Variants in NEXMIF observed in about 807,000 individuals in gnomAD.
NEXMIF encodes XLMR protein related to neurite extension.
NEXMIF carries 8 observed loss-of-function variants against 62.1 expected under a neutral mutation model. The ratio of observed to expected loss-of-function variants is 0.13; its 90% CI spans 0.08 to 0.23. The LOEUF (loss-of-function observed/expected upper bound fraction) is 0.23. NEXMIF is among the 10% of genes least tolerant of loss of function. The probability of loss-of-function intolerance (pLI) is 1.00; values close to 1 mark genes in which losing one functional copy is unlikely to be tolerated. For missense variants in NEXMIF, 976 were observed against 1,113.3 expected, an observed-to-expected ratio of 0.88 and a Z score of 1.75; for synonymous variants, 404 against 416.6, an observed-to-expected ratio of 0.97 and a Z score of 0.37.
At chrX:74,875,774 A>G (rs2080629096) in intron 1 of NEXMIF, among the ~76,000 whole-genome samples, 2 of 111,596 alleles carry the variant, frequency 1.8e-5, no homozygotes, top group African/African-American at 6.5e-5. Flanking sequence ...TTTCTAGTTT[A>G]TTTGTGTAGA....
At chrX:74,842,148 A>G (rs2080476042) in intron 1 of NEXMIF, among the ~76,000 whole-genome samples, 1 of 111,203 alleles carries the variant, frequency 9.0e-6, no homozygotes. Context: ...TACTGATTCA[A>G]TTTTGGAGCT....
intron 1 of NEXMIF, among the ~76,000 whole-genome samples, chrX:74,913,283 C>G (rs752882676): frequency 5.4e-5 from 6 of 111,813 alleles, no homozygotes; most frequent in African/African-American, 1.9e-4. Context: ...TGTATGGTCT[C>G]TACAACAGAA....
chrX:74,764,653 C>A (rs1474025328), intron 1 of NEXMIF, among the ~76,000 whole-genome samples: 1 of 110,784 alleles, frequency 9.0e-6, no homozygotes, highest in Non-Finnish European at 1.9e-5. Context: ...AGAGCCTGTT[C>A]ATTCTGCCTC....
chrX:74,860,689 A>G (rs1290458914), intron 1 of NEXMIF, among the ~76,000 whole-genome samples: 2 of 112,074 alleles, frequency 1.8e-5, no homozygotes, highest in Non-Finnish European at 3.8e-5. Context: ...ATTCAAATAT[A>G]GAGTGAAAAC....
At chrX:74,878,202 C>G (rs1379199858) in intron 1 of NEXMIF, among the ~76,000 whole-genome samples, 2 of 111,769 alleles carry the variant, frequency 1.8e-5, no homozygotes, top group Non-Finnish European at 3.8e-5. Context: ...AGTTTTCCTT[C>G]TAACAGACGG....
intron 1 of NEXMIF, among the ~76,000 whole-genome samples, chrX:74,797,766 A>C (rs1569345608): frequency 8.9e-6 from 1 of 111,926 alleles, no homozygotes; most frequent in Non-Finnish European, 1.9e-5. Flanking sequence ...GTGGGAACAG[A>C]GGCCAAAGCT....
chrX:74,789,404 T>C (rs1277665453), intron 1 of NEXMIF, among the ~76,000 whole-genome samples: 146 of 108,045 alleles, frequency 1.4e-3, no homozygotes, highest in African/African-American at 4.6e-3. Context: ...TTCCAAGTCT[T>C]TGCTATTGTG....
Position 74,864,453 on chromosome X carries a change from A to T in NEXMIF, c.-48+60430T>A, listed in dbSNP as rs151190035. 3.8e-4 allele frequency among the ~76,000 whole-genome samples: 42 copies of T among 111,929 alleles called. No individual in the cohort carries two copies. The East Asian group carries it at 0.012, about 32-fold the overall frequency. ...GTAGCTCTCATAATCCCCATGTGGG[A>T]GGGACCCAGTTGGAAGTAATTGAAT... On this transcript the variant is annotated intron_variant, in intron 1 of 3. Coordinates refer to ENST00000055682, the MANE Select transcript of NEXMIF (RefSeq NM_001008537.3).
chrX:74,748,698 C>T (rs1341005690), intron 1 of NEXMIF, among the ~76,000 whole-genome samples: 2 of 111,756 alleles, frequency 1.8e-5, no homozygotes, highest in Non-Finnish European at 3.8e-5. Context: ...AAAGCAATCC[C>T]TCCTATCTGC....
chrX:74,839,977 G>A (rs183732268), intron 1 of NEXMIF, among the ~76,000 whole-genome samples: 65 of 111,696 alleles, frequency 5.8e-4, no homozygotes, highest in African/African-American at 2.0e-3. Context: ...TCAGCTCTTT[G>A]AGGAATCACC....
rs761368099 is a variant in NEXMIF, at chrX:74,740,782, C to A, written c.3775G>T (p.Ala1259Ser). The part of the protein sequence containing the change: ...NTISSTGKTL[A>S]ECIQHGGPMA... Reference sequence around the variant, plus strand: ...GGGCCACCATGTTGGATACATTCAGCCAATGTCTTCCCAGTGGAGGATATG... The same window carrying A: ...GGGCCACCATGTTGGATACATTCAGACAATGTCTTCCCAGTGGAGGATATG... Residue 1259 changes from alanine to serine, a missense_variant, in exon 3 of 4, where the codon GCT (alanine) becomes TCT (serine). Around this residue, in one of 5 missense-constraint regions of NEXMIF, gnomAD observed 639 missense variants for 694.5 expected, o/e 0.92. Coordinates refer to ENST00000055682, the MANE Select transcript of NEXMIF (RefSeq NM_001008537.3). The A allele has an allele frequency of 2.5e-6, 3 of 1,211,746 alleles. No individual in the cohort carries two copies. Among genetic ancestry groups the A allele is most frequent in the South Asian group, 3.5e-5 (2 of 56,979 alleles).
chrX:74,792,473 T>C (rs1185221458), intron 1 of NEXMIF, among the ~76,000 whole-genome samples: 1 of 107,196 alleles, frequency 9.3e-6, no homozygotes, highest in Non-Finnish European at 1.9e-5. Context: ...TGGAGAGTTC[T>C]GTAGATGTCT....
chrX:74,781,406 C>G (rs1408288004), intron 1 of NEXMIF, among the ~76,000 whole-genome samples: 2 of 108,834 alleles, frequency 1.8e-5, no homozygotes, highest in Admixed American at 9.9e-5. Context: ...AAAGAGAGAT[C>G]AGAGGAAGAG....
intron 1 of NEXMIF, among the ~76,000 whole-genome samples, chrX:74,749,358 C>T (rs1045495927): frequency 5.4e-5 from 6 of 110,871 alleles, no homozygotes; most frequent in South Asian, 3.9e-4. Context: ...AGTCTATCTT[C>T]TAAACAACTG....
At chrX:74,774,512 T>C (rs1003146416) in intron 1 of NEXMIF, among the ~76,000 whole-genome samples, 5 of 111,905 alleles carry the variant, frequency 4.5e-5, no homozygotes. Flanking sequence ...AAATAAATAT[T>C]CTGTGGATCA....
chrX:74,887,964 C>G (rs183215718), intron 1 of NEXMIF, among the ~76,000 whole-genome samples: 3 of 111,805 alleles, frequency 2.7e-5, no homozygotes, highest in Middle Eastern at 4.6e-3. Context: ...TACTATGCAG[C>G]TATAAAAAAG....
chrX:74,921,925 T>C (rs2080828403), intron 1 of NEXMIF, among the ~76,000 whole-genome samples: 6 of 111,694 alleles, frequency 5.4e-5, no homozygotes, highest in Admixed American at 3.8e-4. Flanking sequence ...TCGAATGCCA[T>C]TTAGAATCTA....
chrX:74,808,072 T>C (rs1411081233), intron 1 of NEXMIF, among the ~76,000 whole-genome samples: 1 of 111,795 alleles, frequency 8.9e-6, no homozygotes, highest in Non-Finnish European at 1.9e-5. Flanking sequence ...ACATTAATTG[T>C]ATTTCAAATG....
intron 1 of NEXMIF, among the ~76,000 whole-genome samples, chrX:74,866,301 C>A (rs2080578922): frequency 9.0e-6 from 1 of 111,328 alleles, no homozygotes. Context: ...TTCCATAGAG[C>A]CTGCAGCCCC....
Sources: gnomAD v4.1 joint callset for allele counts (sites outside exome capture counted in the v4.1 genomes callset) on GRCh38, gnomAD v4.1.1 for gene constraint, gnomAD v4.1.1 regional missense constraint, MANE v1.5 for transcripts, NCBI Gene and HGNC (gene_info 2026-07-23, HGNC 2026-07-21) for gene names.